Variants in NCAM1 observed in about 807,000 individuals in gnomAD.
NCAM1 encodes neural cell adhesion molecule 1, also known as antigen recognized by monoclonal antibody 5.1H11.
NCAM1 carries 14 observed loss-of-function variants against 109.8 expected under a neutral mutation model. That is an observed-to-expected ratio of 0.13 (90% CI 0.08 to 0.20). NCAM1 has a LOEUF of 0.20. Ranked by LOEUF, NCAM1 falls within the 10% of genes least tolerant of loss-of-function variation. NCAM1 has a pLI of 1.00. For missense variants in NCAM1, 774 were observed against 1,109.9 expected (o/e 0.70, Z 4.30); for synonymous variants, 418 against 442.9 (o/e 0.94, Z 0.70).
chr11:113,139,296 G>A (rs955056481), intron 1 of NCAM1, among the ~76,000 whole-genome samples: 2 of 152,176 alleles, frequency 1.3e-5, no homozygotes, highest in Non-Finnish European at 2.9e-5. Context: ...TTTAGCTACA[G>A]CACAAAATAT....
rs1555119391 is a variant in NCAM1, at chr11:113,242,948, AG to A, written c.1826-3419del. 16 of 1,599,018 alleles carry A rather than the reference AG, an allele frequency of 1.0e-5. No individual in the cohort carries two copies. In the South Asian group the frequency reaches 1.3e-4, roughly 13 times the overall value. On this transcript the variant is annotated intron_variant, in intron 14 of 19. Coordinates refer to ENST00000316851, the MANE Select transcript of NCAM1 (RefSeq NM_181351.5). ...GCCTGTTGTTTTCCCTTTTATTAAAAGCAACAGTTGTGAATGCATGAAGGCT... is the reference window on the plus strand; with the variant it reads ...GCCTGTTGTTTTCCCTTTTATTAAAACAACAGTTGTGAATGCATGAAGGCT...
intron 1 of NCAM1, among the ~76,000 whole-genome samples, chr11:113,136,687 A>G (rs182193749): frequency 1.3e-5 from 2 of 152,218 alleles, no homozygotes; most frequent in Non-Finnish European, 2.9e-5. Context: ...GATAGAGTGG[A>G]TGGTGGGAAT....
intron 1 of NCAM1, among the ~76,000 whole-genome samples, chr11:113,114,247 A>C (rs1024374598): frequency 3.3e-5 from 5 of 152,218 alleles, no homozygotes; most frequent in Non-Finnish European, 7.3e-5. Flanking sequence ...AGTCAGAGAC[A>C]CAAATAGAAC....
intron 1 of NCAM1, among the ~76,000 whole-genome samples, chr11:113,120,926 A>C (rs915957142): frequency 1.3e-5 from 2 of 152,114 alleles, no homozygotes; most frequent in Admixed American, 1.3e-4. Flanking sequence ...ATTGAATGGG[A>C]CCTGAGAACA....
At chr11:113,246,214 C>T in intron 14 of NCAM1, 154 bp from the exon 15 acceptor site, 1 of 547,632 alleles carries the variant, frequency 1.8e-6, no homozygotes, top group Non-Finnish European at 3.3e-6. Flanking sequence ...TGATTTTTCT[C>T]CCTGCCCATT....
intron 1 of NCAM1, among the ~76,000 whole-genome samples, chr11:112,996,339 A>G (rs1940702): frequency 0.45 from 68,601 of 152,038 alleles, 16,359 homozygotes; most frequent in East Asian, 0.8. Flanking sequence ...ATACAATCAC[A>G]GTACTATTAA....
At chr11:113,095,819 A>G (rs112124960) in intron 1 of NCAM1, among the ~76,000 whole-genome samples, 11,028 of 152,072 alleles carry the variant, frequency 0.073, 772 homozygotes, top group Admixed American at 0.17. Context: ...CCTGTGCCTC[A>G]CCTCCTACCG....
chr11:113,240,387 GA>G (rs1945286617), intron 14 of NCAM1: 1 of 210,716 alleles, frequency 4.7e-6, no homozygotes, highest in Admixed American at 5.7e-5. Context: ...TGTGTAACAT[GA>G]AAAGCCAATG....
intron 1 of NCAM1, among the ~76,000 whole-genome samples, chr11:113,160,200 G>A (rs1327837322): frequency 6.6e-6 from 1 of 152,072 alleles, no homozygotes; most frequent in African/African-American, 2.4e-5. Context: ...GCTTCCTAGG[G>A]CAGTCTTTGA....
intron 1 of NCAM1, among the ~76,000 whole-genome samples, chr11:113,059,794 A>T (rs782257810): frequency 6.6e-6 from 1 of 152,228 alleles, no homozygotes; most frequent in Non-Finnish European, 1.5e-5. Context: ...TTTGGAAAGT[A>T]TGACTTGTCA....
rs143845754 is a variant in NCAM1, at chr11:112,980,768, T to G, written c.52+19104T>G. Reference sequence around the variant, plus strand: ...TCTTTTATCCCTATGAAGGTTTATTTTAATCCTAGCACTTGTTAATATTTA... The same window carrying G: ...TCTTTTATCCCTATGAAGGTTTATTGTAATCCTAGCACTTGTTAATATTTA... On this transcript the variant is annotated intron_variant, in intron 1 of 19. Coordinates refer to ENST00000316851, the MANE Select transcript of NCAM1 (RefSeq NM_181351.5). Among the ~76,000 whole-genome samples the G allele has an allele frequency of 6.3e-4, 95 of 151,988 alleles. 1 individual carries two copies. Among genetic ancestry groups the G allele is most frequent in the African/African-American group, 1.4e-3 (59 of 41,534 alleles).
chr11:112,987,849 A>C (rs1282085195), intron 1 of NCAM1, among the ~76,000 whole-genome samples: 1 of 152,022 alleles, frequency 6.6e-6, no homozygotes, highest in Non-Finnish European at 1.5e-5. Flanking sequence ...TAATTCAACC[A>C]CTTTATATCT....
intron 1 of NCAM1, among the ~76,000 whole-genome samples, chr11:113,049,870 G>A (rs577794068): frequency 2.6e-5 from 4 of 152,314 alleles, no homozygotes; most frequent in East Asian, 3.9e-4. Flanking sequence ...TGGCATGGCT[G>A]AAGCAGGTGT....
intron 8 of NCAM1, 86 bp downstream of exon 8, chr11:113,214,597 G>GAA: frequency 7.0e-7 from 1 of 1,436,524 alleles, no homozygotes; most frequent in Non-Finnish European, 9.4e-7. Flanking sequence ...TCTTTGGGGA[G>GAA]CTGGGAGATG....
In NCAM1 at chr11:113,233,120, G is replaced by C. The variant is rs782717584; in HGVS notation, c.1523-27G>C. 19 of 1,603,508 alleles carry C rather than the reference G, an allele frequency of 1.2e-5. No individual in the cohort carries two copies. Among genetic ancestry groups the C allele is most frequent in the Non-Finnish European group, 1.4e-5 (17 of 1,175,550 alleles). ...GTCTTGGGCCAAACTGGGCTCACCT[G>C]AGTCTCCATATGTGTCTTCCCCACA... On this transcript the variant is annotated intron_variant, in intron 12 of 19. Coordinates refer to ENST00000316851, the MANE Select transcript of NCAM1 (RefSeq NM_181351.5). The surrounding 1 kb of genome is among the most constrained non-coding windows in gnomAD (Gnocchi z 4.5).
chr11:113,207,819 T>G lies in NCAM1; in HGVS notation c.747-14T>G, dbSNP rs1555113115. 6.2e-7 allele frequency: 1 copy of G among 1,602,780 alleles called. No individual in the cohort carries two copies. Among genetic ancestry groups the G allele is most frequent in the South Asian group, 1.1e-5 (1 of 88,982 alleles). On this transcript the variant is annotated splice_polypyrimidine_tract_variant and intron_variant, in intron 6 of 19. Coordinates refer to ENST00000316851, the MANE Select transcript of NCAM1 (RefSeq NM_181351.5). ...GGTCGAAATCATGCTACTTTGCATTTCTACATGCTCTAGGGATGGGGAACA... is the reference window on the plus strand; with the variant it reads ...GGTCGAAATCATGCTACTTTGCATTGCTACATGCTCTAGGGATGGGGAACA...
intron 15 of NCAM1, among the ~76,000 whole-genome samples, chr11:113,250,315 A>T (rs190055610): frequency 5.9e-5 from 9 of 152,322 alleles, no homozygotes; most frequent in Admixed American, 3.3e-4. Flanking sequence ...CATAGATCAC[A>T]TCCGATTCTT....
At chr11:113,038,300 A>C (rs906899934) in intron 1 of NCAM1, among the ~76,000 whole-genome samples, 2 of 152,132 alleles carry the variant, frequency 1.3e-5, no homozygotes, top group African/African-American at 4.8e-5. Context: ...CCTTTTGTAG[A>C]TAATCCTCTC....
At chr11:113,167,192 T>C (rs1942831835) in intron 1 of NCAM1, among the ~76,000 whole-genome samples, 1 of 152,236 alleles carries the variant, frequency 6.6e-6, no homozygotes, top group Non-Finnish European at 1.5e-5. Flanking sequence ...CCTGAAGCTT[T>C]TACTCTTCAT....
Sources: allele counts gnomAD v4.1 joint callset (sites outside exome capture counted in the v4.1 genomes callset), GRCh38; gene constraint gnomAD v4.1.1; non-coding constraint Gnocchi (gnomAD v3.1); transcripts MANE v1.5; gene names NCBI Gene and HGNC (gene_info 2026-07-23, HGNC 2026-07-21).